TMEM53: variants seen among roughly 807,000 people sequenced by gnomAD.
TMEM53 encodes novel DUF829 domain-containing protein.
In TMEM53, 14 loss-of-function variants were observed where a neutral mutation model predicts 21.4. The observed-to-expected ratio is 0.65, with a 90% confidence interval of 0.43 to 1.02. TMEM53 has a LOEUF of 1.02. Among genes scored for constraint, TMEM53 ranks in the 50% least tolerant of loss-of-function variants. The probability of loss-of-function intolerance (pLI) is 0.00; values close to 1 mark genes in which losing one functional copy is unlikely to be tolerated. For missense variants in TMEM53, 323 were observed against 383.6 expected (o/e 0.84, Z 1.32); for synonymous variants, 148 against 157.4 (o/e 0.94, Z 0.45).
At position 44,674,360 on chromosome 1, in the gene TMEM53, T is replaced by C. The variant is rs1399687468; in HGVS notation, c.32A>G (p.Glu11Gly). 6 of 1,612,854 alleles carry C rather than the reference T, an allele frequency of 3.7e-6. No individual in the cohort carries two copies. Among genetic ancestry groups the C allele is most frequent in the Non-Finnish European group, 5.1e-6 (6 of 1,179,410 alleles). MASAELDYTI[E>G]IPDQPCWSQK... ...GCTCCAGCAGGGCTGATCCGGGATC[T>C]CGATGGTGTAGTCCAGCTCTGCCGA... Residue 11 changes from glutamate to glycine, a missense_variant, in exon 1 of 3, where the codon GAG (glutamate) becomes GGG (glycine). Around this residue, in one of 3 missense-constraint regions of TMEM53, gnomAD observed 49 missense variants for 32.9 expected, o/e 1.49. Transcript: ENST00000372237.
At chr1:44,665,128 TC>T in intron 1 of TMEM53, among the ~76,000 whole-genome samples, 1 of 95,730 alleles carries the variant, frequency 1.0e-5, no homozygotes, top group East Asian at 3.0e-4. Flanking sequence ...GAGGTGCCCC[TC>T]CTCTGTACTG....
chr1:44,657,911 T>C (rs1054013206), intron 2 of TMEM53, among the ~76,000 whole-genome samples: 3 of 151,774 alleles, frequency 2.0e-5, no homozygotes, highest in African/African-American at 7.3e-5. Flanking sequence ...ATTCATCCTG[T>C]CCTCCCTATT....
Position 44,669,229 on chromosome 1 carries a change from G to C in TMEM53, c.61+5102C>G, listed in dbSNP as rs574903504. On this transcript the variant is annotated intron_variant, in intron 1 of 2. Coordinates refer to ENST00000372237, the MANE Select transcript of TMEM53 (RefSeq NM_024587.4). ...TTTCTTCCGTTTGGCAATATATTGTGAACATTTTTCCCTGTCAGTTTATAT... is the reference window on the plus strand; with the variant it reads ...TTTCTTCCGTTTGGCAATATATTGTCAACATTTTTCCCTGTCAGTTTATAT... Among the ~76,000 whole-genome samples the C allele has an allele frequency of 8.7e-4, 133 of 152,262 alleles. 1 individual carries two copies. The highest frequency in any genetic ancestry group is 1.6e-3 in the Non-Finnish European group (107 of 67,996).
chr1:44,661,078 A>G (rs1182892018), intron 1 of TMEM53, among the ~76,000 whole-genome samples: 1 of 152,156 alleles, frequency 6.6e-6, no homozygotes, highest in African/African-American at 2.4e-5. Flanking sequence ...TGCCACACTT[A>G]TCATTTACTT....
At chr1:44,667,127 G>C (rs1293911611) in intron 1 of TMEM53, among the ~76,000 whole-genome samples, 1 of 151,934 alleles carries the variant, frequency 6.6e-6, no homozygotes, top group Admixed American at 6.6e-5. Flanking sequence ...ACAGGCATGA[G>C]CCACCGCGCC....
intron 2 of TMEM53, among the ~76,000 whole-genome samples, chr1:44,658,238 C>T (rs1644866994): frequency 1.3e-5 from 2 of 152,122 alleles, no homozygotes; most frequent in Non-Finnish European, 2.9e-5. Context: ...TGGGGGATCT[C>T]ATCCACTCCA....
At chr1:44,674,236 C>A (rs1356079607) in intron 1 of TMEM53, 95 bp downstream of exon 1, 5 of 1,489,178 alleles carry the variant, frequency 3.4e-6, no homozygotes, top group Admixed American at 2.3e-5. Flanking sequence ...CGAGGGAGGG[C>A]GGGGCCGCAT....
At position 44,653,831 on chromosome 1, in the gene TMEM53, TG is replaced by T. The variant is rs1485515331; in HGVS notation, c.*727del. The T allele has an allele frequency of 2.6e-5, 4 of 152,264 alleles. No homozygotes were observed. Among genetic ancestry groups the T allele is most frequent in the Admixed American group, 2.0e-4 (3 of 15,292 alleles). The allele number at this position is 152,264 out of a possible 1,614,324, so 9.4% of individuals were successfully genotyped here. A position where few individuals can be genotyped will look rare whatever the true frequency, so the allele number is the denominator to read the frequency against. On this transcript the variant is annotated 3_prime_UTR_variant, in exon 3 of 3. Coordinates refer to ENST00000372237, the MANE Select transcript of TMEM53 (RefSeq NM_024587.4). Reference sequence around the variant, plus strand: ...CATTCAAGGAATCAAAACTCAACTCTGGTAACAGGCACAAAGTTTCAGTTAT... The same window carrying T: ...CATTCAAGGAATCAAAACTCAACTCTGTAACAGGCACAAAGTTTCAGTTAT...
chr1:44,657,233 G>A (rs1216733463), intron 2 of TMEM53, among the ~76,000 whole-genome samples: 3 of 152,062 alleles, frequency 2.0e-5, no homozygotes, highest in African/African-American at 7.2e-5. Context: ...GGATTTAAAA[G>A]AGCCTTAAGA....
In TMEM53 at chr1:44,654,847, G is replaced by T; in HGVS notation, c.546C>A (p.Val182=). ...LLLVAFALVV[V]LFHVLLAPIT... ...TGGGAGCAAGCAGGACGTGGAACAG[G>T]ACGACCACCAGGGCAAAGGCCACCA... The change falls in exon 3 of 3, where the codon GTC becomes GTA. Residue 182 remains valine (V), a synonymous_variant. Transcript: ENST00000372237. This position sits in a 1 kb window ranked among gnomAD's most constrained non-coding sequence, Gnocchi z 7.0. The T allele has an allele frequency of 6.2e-7, 1 of 1,612,992 alleles. No individual in the cohort carries two copies. The highest frequency in any genetic ancestry group is 8.5e-7 in the Non-Finnish European group (1 of 1,180,008).
chr1:44,673,969 G>A (rs1451580736), intron 1 of TMEM53: 2 of 985,362 alleles, frequency 2.0e-6, no homozygotes, highest in Non-Finnish European at 1.2e-6. Flanking sequence ...TAGGCTAGAT[G>A]TGGGAAGCCC....
chr1:44,669,289 G>A (rs1385332422), intron 1 of TMEM53, among the ~76,000 whole-genome samples: 3 of 152,148 alleles, frequency 2.0e-5, no homozygotes, highest in Non-Finnish European at 4.4e-5. Context: ...GCTTCAGAGA[G>A]GCTATAGAAT....
intron 1 of TMEM53, among the ~76,000 whole-genome samples, chr1:44,669,212 G>A (rs571620826): frequency 4.6e-5 from 7 of 152,140 alleles, no homozygotes; most frequent in East Asian, 3.9e-4. Flanking sequence ...GCTTTCTTCC[G>A]TTTGGCAATA....
intron 2 of TMEM53, among the ~76,000 whole-genome samples, chr1:44,659,323 G>C (rs1644877818): frequency 6.6e-6 from 1 of 152,202 alleles, no homozygotes; most frequent in Non-Finnish European, 1.5e-5. Context: ...GGAGCTGTCT[G>C]TATGGGTACC....
chr1:44,668,433 T>TAAAATA (rs544866056), intron 1 of TMEM53, among the ~76,000 whole-genome samples: 1 of 151,940 alleles, frequency 6.6e-6, no homozygotes, highest in African/African-American at 2.4e-5. Context: ...AAAAATAAAA[T>TAAAATA]AAAATAAAAA....
At chr1:44,656,206 TC>T (rs1285329792) in intron 2 of TMEM53, among the ~76,000 whole-genome samples, 4 of 152,106 alleles carry the variant, frequency 2.6e-5, no homozygotes, top group African/African-American at 7.2e-5. Context: ...ACTTTCTGAG[TC>T]TGGGTCCCCA....
intron 1 of TMEM53, among the ~76,000 whole-genome samples, chr1:44,660,722 C>T (rs954319133): frequency 1.3e-5 from 2 of 151,786 alleles, no homozygotes; most frequent in South Asian, 4.1e-4. Context: ...CGGTGGCTCA[C>T]GCCTGTAATC....
chr1:44,654,449 G>T lies in TMEM53; in HGVS notation c.*110C>A. Reference sequence around the variant, plus strand: ...AATTTTCTACTTAGGGGACCGCAAAGTCCCAAAGGGCTACAGGGAGTTGAA... The same window carrying T: ...AATTTTCTACTTAGGGGACCGCAAATTCCCAAAGGGCTACAGGGAGTTGAA... On this transcript the variant is annotated 3_prime_UTR_variant, in exon 3 of 3. Coordinates refer to ENST00000372237, the MANE Select transcript of TMEM53 (RefSeq NM_024587.4). The surrounding 1 kb of genome is among the most constrained non-coding windows in gnomAD (Gnocchi z 7.0). The T allele has an allele frequency of 7.4e-7, 1 of 1,350,586 alleles. No homozygotes were observed. The highest frequency in any genetic ancestry group is 1.0e-6 in the Non-Finnish European group (1 of 985,610). 83.7% of individuals were successfully genotyped at this position (1,350,586 alleles called of 1,614,324 possible).
At chr1:44,659,295 G>C (rs1372751232) in intron 2 of TMEM53, among the ~76,000 whole-genome samples, 1 of 152,320 alleles carries the variant, frequency 6.6e-6, no homozygotes, top group East Asian at 1.9e-4. Context: ...CTCAGTCCAA[G>C]GCTTCCAGCT....
Sources: gnomAD v4.1 joint callset for allele counts (sites outside exome capture counted in the v4.1 genomes callset) on GRCh38, gnomAD v4.1.1 for gene constraint, gnomAD v4.1.1 regional missense constraint, Gnocchi (gnomAD v3.1) non-coding constraint, MANE v1.5 for transcripts, NCBI Gene and HGNC (gene_info 2026-07-23, HGNC 2026-07-21) for gene names.